CNNM1: variants seen among roughly 807,000 people sequenced by gnomAD.
CNNM1 encodes the protein metal transporter CNNM1.
A neutral mutation model predicts 78.8 loss-of-function variants in CNNM1; 44 were observed. That is an observed-to-expected ratio of 0.56 (90% CI 0.44 to 0.72). The LOEUF (loss-of-function observed/expected upper bound fraction) is 0.72, where lower values mean the gene tolerates loss of function less well. Among genes scored for constraint, CNNM1 ranks in the 30% least tolerant of loss-of-function variants. The pLI is 0.00. For synonymous variants in CNNM1, 584 were observed against 581.5 expected (o/e 1.00, Z -0.06); for missense variants, 1,101 against 1,292.2 (o/e 0.85, Z 2.27).
chr10:99,346,383 T>G (rs1201238897), intron 1 of CNNM1, among the ~76,000 whole-genome samples: 1 of 152,212 alleles, frequency 6.6e-6, no homozygotes, highest in Non-Finnish European at 1.5e-5. Flanking sequence ...CCTTTACTGG[T>G]TCTGCCTACA....
At chr10:99,377,331 T>C (rs1288172425) in intron 7 of CNNM1, 113 bp downstream of exon 7, 2 of 1,034,472 alleles carry the variant, frequency 1.9e-6, no homozygotes, top group African/African-American at 3.2e-5. Flanking sequence ...CATTCCCCTG[T>C]GTTCCAATAC....
At chr10:99,381,743 C>CAA (rs1266661783) in intron 7 of CNNM1, among the ~76,000 whole-genome samples, 3 of 109,338 alleles carry the variant, frequency 2.7e-5, no homozygotes, top group African/African-American at 7.7e-5. Context: ...AACTCCGTCT[C>CAA]AAAAAAAAAA....
In CNNM1 at chr10:99,357,600, G is replaced by A. The variant is rs557455439; in HGVS notation, c.1662G>A (p.Glu554=). 4 of 1,613,738 alleles carry A rather than the reference G, an allele frequency of 2.5e-6. No homozygotes were observed. The African/African-American group carries it at 5.3e-5, about 22-fold the overall frequency. Residue 554 remains glutamate, a synonymous_variant, in exon 2 of 11, where the codon GAG becomes GAA. Coordinates refer to ENST00000356713, the MANE Select transcript of CNNM1 (RefSeq NM_020348.3). ...FYEVMGIVTL[E]DIIEEIIKSE... is the part of the protein sequence containing the mutation. ...AGGTGATGGGCATTGTCACGCTGGA[G>A]GATATCATAGAGGAGATTATCAAGT...
At position 99,344,662 on chromosome 10, in the gene CNNM1, C is replaced by T. The variant is rs868662720; in HGVS notation, c.1574-12850C>T. Among the ~76,000 whole-genome samples the T allele has an allele frequency of 6.6e-5, 10 of 152,116 alleles. No individual in the cohort carries two copies. The South Asian group carries it at 1.0e-3, about 16-fold the overall frequency. On this transcript the variant is annotated intron_variant, in intron 1 of 10. Coordinates refer to ENST00000356713, the MANE Select transcript of CNNM1 (RefSeq NM_020348.3). Reference sequence around the variant, plus strand: ...TATCAGTTAGAATTCAGTTTCCTCCCCCATCACTCTGCTCTTCCTCAGACA... The same window carrying T: ...TATCAGTTAGAATTCAGTTTCCTCCTCCATCACTCTGCTCTTCCTCAGACA...
Position 99,334,284 on chromosome 10 carries a change from T to A in CNNM1, c.1573+3324T>A, listed in dbSNP as rs143629798. Among the ~76,000 whole-genome samples the A allele has an allele frequency of 2.0e-5, 3 of 152,362 alleles. No individual in the cohort carries two copies. The East Asian group carries it at 5.8e-4, about 29-fold the overall frequency. On this transcript the variant is annotated intron_variant, in intron 1 of 10. Transcript: ENST00000356713. ...AAGCCATATAACATAGTGGTCATTTTCTTTAGGAGTTATACATTTGCACCA... is the reference window on the plus strand; with the variant it reads ...AAGCCATATAACATAGTGGTCATTTACTTTAGGAGTTATACATTTGCACCA...
chr10:99,377,282 CAAG>C (rs1417046899), intron 7 of CNNM1, 64 bp downstream of exon 7: 1 of 1,471,720 alleles, frequency 6.8e-7, no homozygotes, highest in East Asian at 2.3e-5. Flanking sequence ...CTGAGCGGGA[CAAG>C]AAGACTACCC....
At position 99,391,452 on chromosome 10, in the gene CNNM1, A is replaced by C. The variant is rs1474971024; in HGVS notation, c.2792A>C (p.Lys931Thr). The change falls in exon 11 of 11, where the codon AAG becomes ACG. Residue 931 changes from lysine (K) to threonine (T), a missense_variant. Coordinates refer to ENST00000356713, the MANE Select transcript of CNNM1 (RefSeq NM_020348.3). ...TTTTTTTCAGGTGGCCAAAAAAGGA[A>C]GAGGTCACCAGAAGGAGAGAGAACC... is the stretch of plus-strand genomic sequence containing the variant. Reference protein sequence around the residue: ...LLRTLSGQKRKRSPEGERTSE... With the variant: ...LLRTLSGQKRTRSPEGERTSE... 6.2e-7 allele frequency: 1 copy of C among 1,613,970 alleles called. No homozygotes were observed. The highest frequency in any genetic ancestry group is 8.5e-7 in the Non-Finnish European group (1 of 1,179,852).
intron 1 of CNNM1, among the ~76,000 whole-genome samples, chr10:99,356,564 G>GACAGAAAGAAAGAAAGAAAAGAAAAGA (rs1554940021): frequency 1.0e-5 from 1 of 98,186 alleles, no homozygotes; most frequent in Non-Finnish European, 2.1e-5. Context: ...CAGACAGACA[G>GACAGAAAGAAAGAAAGAAAAGAAAAGA]AAAGAAAGAA....
Position 99,335,761 on chromosome 10 carries a change from C to T in CNNM1, c.1573+4801C>T, listed in dbSNP as rs1414439551. Among the ~76,000 whole-genome samples, 6 of 152,172 alleles carry T rather than the reference C, an allele frequency of 3.9e-5. 1 individual carries two copies. Among genetic ancestry groups the T allele is most frequent in the South Asian group, 4.1e-4 (2 of 4,832 alleles). The stretch of plus-strand genomic sequence containing the variant: ...CCTAAACAACAGAAATTTATTTTCT[C>T]GCAATTCAAGGCTTTGACATCCAAG... On this transcript the variant is annotated intron_variant, in intron 1 of 10. Coordinates refer to ENST00000356713, the MANE Select transcript of CNNM1 (RefSeq NM_020348.3).
rs1360905508 is a variant in CNNM1 at position 99,345,856 on chromosome 10, T to G, written c.1574-11656T>G. On this transcript the variant is annotated intron_variant, in intron 1 of 10. Transcript: ENST00000356713. ...TATTTTTGTTTTCTTTTATATTTTT[T>G]AATTTAAAAAAATTTTTTTAAGAGA... Among the ~76,000 whole-genome samples, 4 of 152,294 alleles carry G rather than the reference T, an allele frequency of 2.6e-5. No homozygotes were observed. The East Asian group carries it at 7.7e-4, about 29-fold the overall frequency.
chr10:99,350,682 G>C (rs1389131602), intron 1 of CNNM1, among the ~76,000 whole-genome samples: 1 of 152,062 alleles, frequency 6.6e-6, no homozygotes, highest in Non-Finnish European at 1.5e-5. Context: ...AGGATGTGTA[G>C]GTTTGTTACA....
At chr10:99,362,118 G>C in intron 3 of CNNM1, 109 bp from the exon 4 acceptor site, 1 of 1,026,412 alleles carries the variant, frequency 9.7e-7, no homozygotes, top group East Asian at 2.8e-5. Context: ...CCCAGGTACA[G>C]GCACAGGGGT....
intron 6 of CNNM1, among the ~76,000 whole-genome samples, chr10:99,367,897 A>G (rs1226336239): frequency 1.3e-5 from 2 of 152,028 alleles, no homozygotes; most frequent in East Asian, 1.9e-4. Context: ...ACTGAACTCT[A>G]CCCGGGCCCC....
At chr10:99,335,841 G>A (rs937713613) in intron 1 of CNNM1, among the ~76,000 whole-genome samples, 5 of 152,260 alleles carry the variant, frequency 3.3e-5, no homozygotes, top group African/African-American at 4.8e-5. Flanking sequence ...TGGCTTGCAT[G>A]TGGGTGCCTT....
chr10:99,380,619 C>G (rs906281390), intron 7 of CNNM1, among the ~76,000 whole-genome samples: 5 of 151,774 alleles, frequency 3.3e-5, no homozygotes, highest in African/African-American at 9.7e-5. Context: ...GGCGAAACCC[C>G]GTTTCTACTA....
intron 1 of CNNM1, among the ~76,000 whole-genome samples, chr10:99,357,241 A>G (rs1379430778): frequency 6.6e-6 from 1 of 152,182 alleles, no homozygotes; most frequent in African/African-American, 2.4e-5. Context: ...TATACTTGCT[A>G]ATATGTAAAA....
intron 6 of CNNM1, among the ~76,000 whole-genome samples, chr10:99,375,084 G>A (rs1296451704): frequency 6.6e-6 from 1 of 152,156 alleles, no homozygotes; most frequent in Non-Finnish European, 1.5e-5. Flanking sequence ...CATTCATCGA[G>A]GTGGGGAAAG....
In CNNM1 at chr10:99,368,602, GC is replaced by G. The variant is rs1020110542; in HGVS notation, c.2176+3604del. The G allele has an allele frequency of 8.5e-6, 11 of 1,288,794 alleles. No homozygotes were observed. In the African/African-American group the frequency reaches 1.5e-4, roughly 18 times the overall value. 79.8% of individuals were successfully genotyped at this position (1,288,794 alleles called of 1,614,324 possible). A position where few individuals can be genotyped will look rare whatever the true frequency, so the allele number is the denominator to read the frequency against. On this transcript the variant is annotated intron_variant, in intron 6 of 10. Coordinates refer to ENST00000356713, the MANE Select transcript of CNNM1 (RefSeq NM_020348.3). Reference sequence around the variant, plus strand: ...CCCTTTCGCAACTCACAAATCCTTGGCCCCTGACTCTTTAGTGCCTGTCTCT... The same window carrying G: ...CCCTTTCGCAACTCACAAATCCTTGGCCCTGACTCTTTAGTGCCTGTCTCT...
At chr10:99,360,034 A>G (rs1184437392) in intron 2 of CNNM1, among the ~76,000 whole-genome samples, 11 of 151,718 alleles carry the variant, frequency 7.3e-5, no homozygotes, top group Admixed American at 7.2e-4. Flanking sequence ...AATGTTTTCA[A>G]CCAATAATTA....
Sources: gnomAD v4.1 joint callset for allele counts (sites outside exome capture counted in the v4.1 genomes callset) on GRCh38, gnomAD v4.1.1 for gene constraint, MANE v1.5 for transcripts, NCBI Gene and HGNC (gene_info 2026-07-23, HGNC 2026-07-21) for gene names.